Variants in EXOC7 observed in about 807,000 individuals in gnomAD.
EXOC7 encodes exocyst complex component Exo70.
In EXOC7, 51 loss-of-function variants were observed where a neutral mutation model predicts 87.6. The observed-to-expected ratio is 0.58, with a 90% CI of 0.46 to 0.73. EXOC7 has a LOEUF of 0.73. EXOC7 is among the 30% of genes least tolerant of loss of function. The pLI, the probability that EXOC7 is intolerant of heterozygous loss-of-function variation, is 0.00. For synonymous variants in EXOC7, 327 were observed against 357.1 expected, an observed-to-expected ratio of 0.92 and a Z score of 0.95; for missense variants, 744 against 888.4, an observed-to-expected ratio of 0.84 and a Z score of 2.07.
Position 76,083,238 on chromosome 17 carries a change from G to T in EXOC7, c.*410C>A. ...CCAGGAGCTCTGGCTGCTTCTCTGAGCCCTGCCACATCTCTGGGCTGTAGG... is the reference window on the plus strand; with the variant it reads ...CCAGGAGCTCTGGCTGCTTCTCTGATCCCTGCCACATCTCTGGGCTGTAGG... On this transcript the variant is annotated 3_prime_UTR_variant, in exon 19 of 19. Transcript: ENST00000589210. The T allele has an allele frequency of 5.5e-6, 1 of 180,872 alleles. No homozygotes were observed. The highest frequency in any genetic ancestry group is 1.2e-5 in the Non-Finnish European group (1 of 86,054). The allele number at this position is 180,872 out of a possible 1,614,324, so 11.2% of individuals were successfully genotyped here.
At chr17:76,090,342 G>A (rs966950209) in intron 7 of EXOC7, 37 of 1,551,358 alleles carry the variant, frequency 2.4e-5, no homozygotes, top group Middle Eastern at 1.7e-4. Context: ...CCAGCGGCCC[G>A]TGCTTGTCGT....
intron 5 of EXOC7, among the ~76,000 whole-genome samples, chr17:76,096,542 C>G (rs999282745): frequency 9.4e-5 from 14 of 149,086 alleles, no homozygotes; most frequent in African/African-American, 3.4e-4. Flanking sequence ...AAGTGCAACA[C>G]TGAATATCTA....
In EXOC7 at chr17:76,089,274, G is replaced by A. The variant is rs149739851; in HGVS notation, c.948C>T (p.Cys316=). The change falls in exon 8 of 19, where the codon TGC becomes TGT. Residue 316 remains cysteine (C), a synonymous_variant. Coordinates refer to ENST00000589210, the MANE Select transcript of EXOC7 (RefSeq NM_001013839.4). Reference sequence around the variant, plus strand: ...GCGCCAGCTTGACGAAGGCACTGACGCAGTGGATGTAGGCATCGGTCTCCA... The same window carrying A: ...GCGCCAGCTTGACGAAGGCACTGACACAGTGGATGTAGGCATCGGTCTCCA... ...LDVETDAYIH[C]VSAFVKLAQS... is the part of the protein sequence containing the mutation. 587 of 1,614,126 alleles carry A rather than the reference G, an allele frequency of 3.6e-4. 1 individual carries two copies. The highest frequency in any genetic ancestry group is 5.7e-4 in the African/African-American group (43 of 75,046).
In EXOC7 at chr17:76,103,659, G is replaced by C; in HGVS notation, c.34C>G (p.Arg12Gly). The C allele has an allele frequency of 6.2e-7, 1 of 1,613,056 alleles. No individual in the cohort carries two copies. ...IPPQEASARR[R>G]EIEDKLKQEE... ...TGCTTCAGCTTGTCCTCAATCTCCC[G>C]CCGTCGAGCGGATGCCTCCTGTGGG... The change falls in exon 1 of 19, where the codon CGG becomes GGG. Residue 12 changes from arginine to glycine, a missense_variant. Arg to Gly is a moderately radical substitution (Grantham distance 125). This residue lies in a region of EXOC7 where 512 missense variants were observed against 573.0 expected (regional missense o/e 0.89). Coordinates refer to ENST00000589210, the MANE Select transcript of EXOC7 (RefSeq NM_001013839.4).
In EXOC7 at chr17:76,082,377, A is replaced by C; in HGVS notation, c.*1271T>G. On this transcript the variant is annotated 3_prime_UTR_variant, in exon 19 of 19. Coordinates refer to ENST00000589210, the MANE Select transcript of EXOC7 (RefSeq NM_001013839.4). ...GAGAATCTAAGAAAGGAAGCGATAC[A>C]GGCTGATGACCCCTGGGGTTCGCTC... is the stretch of plus-strand genomic sequence containing the variant. 7.4e-7 allele frequency: 1 copy of C among 1,356,190 alleles called. No individual in the cohort carries two copies. The highest frequency in any genetic ancestry group is 1.0e-6 in the Non-Finnish European group (1 of 992,410). The allele number at this position is 1,356,190 out of a possible 1,614,324, so 84.0% of individuals were successfully genotyped here.
chr17:76,101,556 C>G (rs2068062308), intron 3 of EXOC7, 123 bp downstream of exon 3: 2 of 1,371,602 alleles, frequency 1.5e-6, no homozygotes, highest in East Asian at 4.6e-5. Context: ...CCAGACTGGT[C>G]TTGAACTCCT....
chr17:76,082,595 G>A lies in EXOC7; in HGVS notation c.*1053C>T. ...GCAGGAATCTGGATGTGGGCAGCGT[G>A]CAAGTCTGACGCAGCCCCTGGAGAG... On this transcript the variant is annotated 3_prime_UTR_variant, in exon 19 of 19. Transcript: ENST00000589210. 1 of 1,613,592 alleles carries A rather than the reference G, an allele frequency of 6.2e-7. No individual in the cohort carries two copies.
intron 4 of EXOC7, among the ~76,000 whole-genome samples, chr17:76,100,779 G>A (rs181304423): frequency 2.0e-5 from 3 of 152,124 alleles, no homozygotes; most frequent in Non-Finnish European, 4.4e-5. Flanking sequence ...TCAGGAGTTC[G>A]AGACCAGTCT....
In EXOC7 at chr17:76,082,476, A is replaced by G. The variant is rs144821937; in HGVS notation, c.*1172T>C. On this transcript the variant is annotated 3_prime_UTR_variant, in exon 19 of 19. Coordinates refer to ENST00000589210, the MANE Select transcript of EXOC7 (RefSeq NM_001013839.4). ...CTCTCCCCACAGAGCCCTCCAGAGG[A>G]GTAAAGGGGTCACAGAGAAGCTGGC... 6 of 1,612,146 alleles carry G rather than the reference A, an allele frequency of 3.7e-6. No homozygotes were observed. In the Admixed American group the frequency reaches 6.7e-5, roughly 18 times the overall value.
intron 4 of EXOC7, 165 bp downstream of exon 4, chr17:76,101,106 T>A: frequency 8.1e-7 from 1 of 1,241,076 alleles, no homozygotes; most frequent in Non-Finnish European, 1.0e-6. Flanking sequence ...TAATAAAAAA[T>A]GTGCAATTCT....
chr17:76,092,265 GCACCGCACAA>G (rs1567974951), intron 6 of EXOC7: 1 of 148,680 alleles, frequency 6.7e-6, no homozygotes, highest in African/African-American at 2.5e-5. Context: ...GCACCGCACC[GCACCGCACAA>G]CACCACAATT....
chr17:76,087,269 C>T (rs937877354), intron 12 of EXOC7: 5 of 382,256 alleles, frequency 1.3e-5, no homozygotes, highest in African/African-American at 1.0e-4. Flanking sequence ...GCCCAGCGGG[C>T]CCTGAGACAC....
At position 76,097,901 on chromosome 17, in the gene EXOC7, C is replaced by T. The variant is rs1289757675; in HGVS notation, c.535G>A (p.Asp179Asn). 2 of 1,613,908 alleles carry T rather than the reference C, an allele frequency of 1.2e-6. No individual in the cohort carries two copies. The highest frequency in any genetic ancestry group is 1.7e-6 in the Non-Finnish European group (2 of 1,180,026). The change falls in exon 5 of 19, where the codon GAT (aspartate) becomes AAT (asparagine). Residue 179 changes from aspartate (D) to asparagine (N), a missense_variant. Physicochemically the swap from Asp to Asn is conservative, Grantham distance 23 (BLOSUM62 1). Coordinates refer to ENST00000589210, the MANE Select transcript of EXOC7 (RefSeq NM_001013839.4). Reference protein sequence around the residue: ...LILDLISGDDDLEAQEDVTLE... With the variant: ...LILDLISGDDNLEAQEDVTLE... ...GTCACGTCCTCCTGGGCCTCCAGAT[C>T]ATCGTCACCACTGATCAGATCCAAG...
chr17:76,093,024 T>A (rs1341351416), intron 6 of EXOC7: 3 of 152,322 alleles, frequency 2.0e-5, no homozygotes, highest in Non-Finnish European at 2.9e-5. Flanking sequence ...TGAGATCAGA[T>A]CCCTCCTGCC....
intron 5 of EXOC7, among the ~76,000 whole-genome samples, chr17:76,094,948 C>G (rs558107684): frequency 6.8e-6 from 1 of 147,274 alleles, no homozygotes; most frequent in East Asian, 2.0e-4. Flanking sequence ...TCTGATAGAA[C>G]TGATAATTAG....
At chr17:76,097,181 T>C (rs958901641) in intron 5 of EXOC7, among the ~76,000 whole-genome samples, 2 of 152,184 alleles carry the variant, frequency 1.3e-5, no homozygotes, top group Admixed American at 6.5e-5. Flanking sequence ...CTTTGGCTTA[T>C]GTAATGGAGG....
In EXOC7 at chr17:76,098,491, C is replaced by T. The variant is rs147502282; in HGVS notation, c.418-473G>A. ...ACGCTGGGAAGCGGCCTTGGTGACT[C>T]CTTTACTTCATGTTCTCTCAAAATT... On this transcript the variant is annotated intron_variant, in intron 4 of 18. Transcript: ENST00000589210. 1.5e-3 allele frequency among the ~76,000 whole-genome samples: 232 copies of T among 152,142 alleles called. 1 individual carries two copies. Among genetic ancestry groups the T allele is most frequent in the African/African-American group, 5.2e-3 (214 of 41,522 alleles).
intron 6 of EXOC7, chr17:76,093,490 T>A (rs1199745831): frequency 6.6e-6 from 1 of 152,562 alleles, no homozygotes; most frequent in Non-Finnish European, 1.5e-5. Flanking sequence ...AAACCAAGGG[T>A]GTAAGTAAGC....
chr17:76,101,221 G>A (rs2068042554), intron 4 of EXOC7, 50 bp downstream of exon 4: 1 of 1,613,990 alleles, frequency 6.2e-7, no homozygotes, highest in Middle Eastern at 1.7e-4. Flanking sequence ...TGAGACCAGG[G>A]CAGAGACTGA....
Sources: allele counts gnomAD v4.1 joint callset (sites outside exome capture counted in the v4.1 genomes callset), GRCh38; gene constraint gnomAD v4.1.1; regional missense constraint gnomAD v4.1.1; transcripts MANE v1.5; gene names NCBI Gene and HGNC (gene_info 2026-07-23, HGNC 2026-07-21).